The following NDUFA12 variants were observed in gnomAD, a reference collection of about 807,000 sequenced individuals.
NDUFA12 encodes the protein NADH:ubiquinone oxidoreductase subunit A12, also known as NADH dehydrogenase [ubiquinone] 1 alpha subcomplex subunit 12.
In NDUFA12, 17 loss-of-function variants were observed where a neutral mutation model predicts 20.3. The observed-to-expected ratio is 0.84, with a 90% CI of 0.57 to 1.26. The LOEUF is 1.26. NDUFA12 is among the 50% of genes most tolerant of loss of function. The pLI, the probability that NDUFA12 is intolerant of heterozygous loss-of-function variation, is 0.00. For missense variants in NDUFA12, 191 were observed against 183.7 expected (o/e 1.04, Z -0.23); for synonymous variants, 72 against 63.6 (o/e 1.13, Z -0.63).
intron 2 of NDUFA12, among the ~76,000 whole-genome samples, chr12:94,996,324 T>TATAC (rs1555201259): frequency 1.4e-3 from 198 of 141,290 alleles, no homozygotes; most frequent in Admixed American, 3.2e-3. Flanking sequence ...CATATATAGG[T>TATAC]ACACACACAC....
rs371084211 is a variant in NDUFA12, at chr12:94,971,615, C to G, written c.263G>C (p.Arg88Pro). The G allele has an allele frequency of 2.5e-6, 4 of 1,613,872 alleles. No homozygotes were observed. The highest frequency in any genetic ancestry group is 1.3e-5 in the African/African-American group (1 of 74,862). The part of the protein sequence containing the change: ...DGSMVPPEWH[R>P]WLHSMTDDPP... ...ATCATCAGTCATACTGTGAAGCCAACGATGCCTTAAAGAGGGGAAAAAACC... is the reference window on the plus strand; with the variant it reads ...ATCATCAGTCATACTGTGAAGCCAAGGATGCCTTAAAGAGGGGAAAAAACC... Residue 88 changes from arginine to proline, a missense_variant, in exon 4 of 4, where the codon CGT (arginine) becomes CCT (proline). Physicochemically the swap from Arg to Pro is moderately radical, Grantham distance 103. Coordinates refer to ENST00000327772, the MANE Select transcript of NDUFA12 (RefSeq NM_018838.5).
chr12:94,983,092 C>T (rs550365172), intron 3 of NDUFA12, among the ~76,000 whole-genome samples: 127 of 152,242 alleles, frequency 8.3e-4, no homozygotes, highest in African/African-American at 2.8e-3. Context: ...ACCTGCTCCC[C>T]CTACTCCACT....
At chr12:94,999,897 A>G (rs1352254720) in intron 2 of NDUFA12, among the ~76,000 whole-genome samples, 4 of 152,186 alleles carry the variant, frequency 2.6e-5, no homozygotes, top group Admixed American at 2.6e-4. Flanking sequence ...CTAGTACAAC[A>G]ACTATGGAAA....
chr12:94,993,708 A>C (rs1361694216), intron 3 of NDUFA12, among the ~76,000 whole-genome samples: 1 of 129,498 alleles, frequency 7.7e-6, no homozygotes, highest in Non-Finnish European at 1.6e-5. Context: ...GCCGAGGTGG[A>C]TGGATCACCT....
intron 3 of NDUFA12, among the ~76,000 whole-genome samples, chr12:94,991,837 T>C (rs936104966): frequency 1.3e-5 from 2 of 152,138 alleles, no homozygotes; most frequent in African/African-American, 4.8e-5. Flanking sequence ...CTGATGGAAC[T>C]GCAGGTTGCT....
chr12:95,002,421 G>A (rs1324497651), intron 2 of NDUFA12, among the ~76,000 whole-genome samples: 8 of 20,132 alleles, frequency 4.0e-4, no homozygotes, highest in African/African-American at 1.3e-3. Flanking sequence ...CAGCCTGGCC[G>A]ACAGAGACTC....
At position 95,002,425 on chromosome 12, in the gene NDUFA12, G is replaced by GAGCA. The variant is rs34268795; in HGVS notation, c.169+313_169+314insTGCT. Among the ~76,000 whole-genome samples the GAGCA allele has an allele frequency of 3.7e-3, 7 of 1,894 alleles. No individual in the cohort carries two copies. In the African/African-American group the frequency reaches 0.1, roughly 28 times the overall value. The allele number at this position is 1,894 out of a possible 152,430, so 1.2% of individuals were successfully genotyped here. A position where few individuals can be genotyped will look rare whatever the true frequency, so the allele number is the denominator to read the frequency against. On this transcript the variant is annotated intron_variant, in intron 2 of 3. Transcript: ENST00000327772. ...CTACTGCACTCCAGCCTGGCCGACA[G>GAGCA]AGACTCCATCTCAAAAAAAAAAAAA...
Position 94,971,567 on chromosome 12 carries a change from G to A in NDUFA12, c.311C>T (p.Thr104Ile). The A allele has an allele frequency of 3.7e-6, 6 of 1,614,212 alleles. No individual in the cohort carries two copies. Among genetic ancestry groups the A allele is most frequent in the Non-Finnish European group, 5.1e-6 (6 of 1,180,040 alleles). ...TDDPPTTKPL[T>I]ARKFIWTNHK... ...GTTCGTCCAAATGAATTTACGAGCAGTAAGTGGTTTTGTTGTTGGAGGATC... is the reference window on the plus strand; with the variant it reads ...GTTCGTCCAAATGAATTTACGAGCAATAAGTGGTTTTGTTGTTGGAGGATC... The change falls in exon 4 of 4, where the codon ACT becomes ATT. Residue 104 changes from threonine (T) to isoleucine (I), a missense_variant. By Grantham distance (89) the Thr-to-Ile change is moderately conservative. Coordinates refer to ENST00000327772, the MANE Select transcript of NDUFA12 (RefSeq NM_018838.5).
At chr12:94,997,821 TAAC>T (rs1874888078) in intron 2 of NDUFA12, among the ~76,000 whole-genome samples, 1 of 152,014 alleles carries the variant, frequency 6.6e-6, no homozygotes, top group Non-Finnish European at 1.5e-5. Context: ...GTAAAAATAA[TAAC>T]AGCAGTCACA....
chr12:95,002,934 G>T, intron 1 of NDUFA12, 113 bp from the exon 2 acceptor site: 1 of 863,072 alleles, frequency 1.2e-6, no homozygotes, highest in Non-Finnish European at 2.0e-6. Flanking sequence ...GCATCAACTA[G>T]CAAAATGAAG....
intron 3 of NDUFA12, 32 bp downstream of exon 3, chr12:94,994,138 A>C: frequency 6.3e-7 from 1 of 1,597,630 alleles, no homozygotes; most frequent in East Asian, 2.2e-5. Flanking sequence ...AAGAAAAAAA[A>C]GAAAGACAAA....
In NDUFA12 at chr12:95,003,654, G is replaced by T; in HGVS notation, c.27C>A (p.Arg9=). The part of the protein sequence containing the change: MELVQVLK[R]GLQQITGHGG... ...CGTGGCCGGTGATCTGCTGCAGCCC[G>T]CGTTTCAGGACCTGCACTAACTCCA... The change falls in exon 1 of 4, where the codon CGC becomes CGA. Residue 9 remains arginine, a synonymous_variant. Coordinates refer to ENST00000327772, the MANE Select transcript of NDUFA12 (RefSeq NM_018838.5). 6.2e-7 allele frequency: 1 copy of T among 1,614,122 alleles called. No individual in the cohort carries two copies.
At chr12:94,983,212 C>A (rs548202292) in intron 3 of NDUFA12, among the ~76,000 whole-genome samples, 1 of 152,242 alleles carries the variant, frequency 6.6e-6, no homozygotes, top group East Asian at 1.9e-4. Context: ...CCTGCTGACC[C>A]CATCTTACTT....
chr12:94,991,105 G>A (rs1184717146), intron 3 of NDUFA12, among the ~76,000 whole-genome samples: 2 of 151,954 alleles, frequency 1.3e-5, no homozygotes, highest in Admixed American at 6.6e-5. Flanking sequence ...GCAACATGGC[G>A]AAACCTCATC....
chr12:94,981,869 G>GT (rs761298612), intron 3 of NDUFA12, among the ~76,000 whole-genome samples: 2 of 152,166 alleles, frequency 1.3e-5, no homozygotes, highest in Non-Finnish European at 2.9e-5. Flanking sequence ...ACCATCTTTT[G>GT]TTTTTGTACT....
intron 2 of NDUFA12, among the ~76,000 whole-genome samples, chr12:95,001,430 A>G (rs1565820597): frequency 6.6e-6 from 1 of 152,106 alleles, no homozygotes; most frequent in Non-Finnish European, 1.5e-5. Flanking sequence ...GACCAGCCTA[A>G]GAAACATAGC....
At chr12:94,980,174 T>C (rs1034553975) in intron 3 of NDUFA12, among the ~76,000 whole-genome samples, 13 of 152,210 alleles carry the variant, frequency 8.5e-5, no homozygotes, top group South Asian at 2.1e-4. Context: ...CTAAGCTCGA[T>C]TTGTATATTC....
chr12:94,998,497 A>C (rs1042120054), intron 2 of NDUFA12, among the ~76,000 whole-genome samples: 2 of 152,222 alleles, frequency 1.3e-5, no homozygotes, highest in Admixed American at 6.5e-5. Flanking sequence ...TGGATAAAGG[A>C]AAGAAATAAA....
chr12:94,994,291 C>CA, intron 2 of NDUFA12, 34 bp from the exon 3 acceptor site: 1 of 1,478,650 alleles, frequency 6.8e-7, no homozygotes, highest in Non-Finnish European at 9.3e-7. Flanking sequence ...AAAAGAAAAA[C>CA]TTTTTTTTTT....
Sources: gnomAD v4.1 joint callset for allele counts (sites outside exome capture counted in the v4.1 genomes callset) on GRCh38, gnomAD v4.1.1 for gene constraint, MANE v1.5 for transcripts, NCBI Gene and HGNC (gene_info 2026-07-23, HGNC 2026-07-21) for gene names.